Variants in DLGAP1 observed in about 807,000 individuals in gnomAD.
DLGAP1 encodes the protein DLG associated protein 1.
DLGAP1 carries 11 observed loss-of-function variants against 90.8 expected under a neutral mutation model. The ratio of observed to expected loss-of-function variants is 0.12; its 90% confidence interval spans 0.08 to 0.20. The LOEUF is 0.20. Among genes scored for constraint, DLGAP1 ranks in the 10% least tolerant of loss-of-function variants. DLGAP1 has a pLI of 1.00. For missense variants in DLGAP1, 1,050 were observed against 1,333.8 expected (o/e 0.79, Z 3.31); for synonymous variants, 558 against 540.7 (o/e 1.03, Z -0.44).
chr18:3,759,718 T>C (rs1004770221), intron 5 of DLGAP1, among the ~76,000 whole-genome samples: 2 of 152,194 alleles, frequency 1.3e-5, no homozygotes, highest in Non-Finnish European at 2.9e-5. Context: ...GTGTAATTCA[T>C]GTTAAGCTTA....
At chr18:4,419,247 G>A (rs2082974263) in intron 1 of DLGAP1, among the ~76,000 whole-genome samples, 1 of 152,132 alleles carries the variant, frequency 6.6e-6, no homozygotes, top group East Asian at 1.9e-4. Flanking sequence ...AACAGCACGG[G>A]AAAGACCCAC....
intron 1 of DLGAP1, chr18:4,430,496 GTGTGTC>G (rs1009154539): frequency 1.8e-5 from 2 of 113,270 alleles, no homozygotes; most frequent in East Asian, 5.0e-4. Flanking sequence ...AAATAGTCTT[GTGTGTC>G]TGTGTGTGTG....
intron 1 of DLGAP1, among the ~76,000 whole-genome samples, chr18:4,436,217 T>A (rs166829): frequency 0.34 from 51,013 of 151,970 alleles, 9,775 homozygotes; most frequent in Non-Finnish European, 0.42. Context: ...TTTCTTTTTT[T>A]TCTCATGCAA....
chr18:3,939,819 A>G (rs184579946), intron 3 of DLGAP1, among the ~76,000 whole-genome samples: 1 of 152,346 alleles, frequency 6.6e-6, no homozygotes, highest in Non-Finnish European at 1.5e-5. Context: ...GCTCAAACAC[A>G]AAGAAAACAA....
chr18:3,550,889 C>T (rs1254462420), intron 9 of DLGAP1, among the ~76,000 whole-genome samples: 2 of 151,588 alleles, frequency 1.3e-5, no homozygotes, highest in Non-Finnish European at 2.9e-5. Context: ...TTACAGGGGC[C>T]CACCACCACG....
intron 7 of DLGAP1, among the ~76,000 whole-genome samples, chr18:3,670,072 A>G (rs982211576): frequency 9.9e-5 from 15 of 152,170 alleles, no homozygotes; most frequent in African/African-American, 3.4e-4. Flanking sequence ...CATTATAACG[A>G]TAGGAAAAGA....
chr18:3,864,106 G>T (rs2070246145), intron 4 of DLGAP1, among the ~76,000 whole-genome samples: 1 of 152,152 alleles, frequency 6.6e-6, no homozygotes, highest in South Asian at 2.1e-4. Flanking sequence ...AAGTGCTAAA[G>T]AAATCTTGGT....
chr18:4,146,751 T>C (rs2076591469), intron 2 of DLGAP1, among the ~76,000 whole-genome samples: 1 of 151,884 alleles, frequency 6.6e-6, no homozygotes, highest in Non-Finnish European at 1.5e-5. Flanking sequence ...CAAGCATTCA[T>C]ATTATCATCT....
At position 4,232,829 on chromosome 18, in the gene DLGAP1, G is replaced by A. The variant is rs140154609; in HGVS notation, c.-266-81542C>T. Among the ~76,000 whole-genome samples, 567 of 152,190 alleles carry A rather than the reference G, an allele frequency of 3.7e-3. 2 individuals are homozygous for A. Among genetic ancestry groups the A allele is most frequent in the Non-Finnish European group, 6.0e-3 (407 of 68,004 alleles). On this transcript the variant is annotated intron_variant, in intron 1 of 12. Coordinates refer to ENST00000315677, the MANE Select transcript of DLGAP1 (RefSeq NM_004746.4). ...TGGAGCAAGCAACTCAAGAGACCAA[G>A]GTGAAACCGCCAGCACCTTTTGTGA... is the stretch of plus-strand genomic sequence containing the variant.
chr18:4,195,446 A>C lies in DLGAP1; in HGVS notation c.-266-44159T>G, dbSNP rs527986063. On this transcript the variant is annotated intron_variant, in intron 1 of 12. Transcript: ENST00000315677. ...AGTCAGCCCCAATTGTCTTGCTCTA[A>C]AAATGATAAAAGATGCGAAATTTGC... is the stretch of plus-strand genomic sequence containing the variant. Among the ~76,000 whole-genome samples, 5 of 152,340 alleles carry C rather than the reference A, an allele frequency of 3.3e-5. No individual in the cohort carries two copies. In the South Asian group the frequency reaches 1.0e-3, roughly 32 times the overall value.
intron 7 of DLGAP1, among the ~76,000 whole-genome samples, chr18:3,668,262 G>A (rs1374217618): frequency 1.3e-5 from 2 of 152,110 alleles, no homozygotes; most frequent in Non-Finnish European, 2.9e-5. Flanking sequence ...CCAAAACACT[G>A]AACTTAAGAG....
intron 2 of DLGAP1, among the ~76,000 whole-genome samples, chr18:4,146,364 T>G (rs1175833786): frequency 1.3e-5 from 2 of 152,194 alleles, no homozygotes; most frequent in Non-Finnish European, 2.9e-5. Flanking sequence ...TGAATTCAAG[T>G]CTTTCTGAAT....
chr18:4,352,487 G>T (rs1483191450), intron 1 of DLGAP1, among the ~76,000 whole-genome samples: 1 of 151,876 alleles, frequency 6.6e-6, no homozygotes, highest in East Asian at 1.9e-4. Flanking sequence ...TTGTTGTGGG[G>T]GATACAGGTA....
At chr18:4,306,462 T>TGTGTGTGA (rs1253812084) in intron 1 of DLGAP1, among the ~76,000 whole-genome samples, 5 of 52,180 alleles carry the variant, frequency 9.6e-5, no homozygotes, top group African/African-American at 2.1e-4. Flanking sequence ...TGTGTGTGTG[T>TGTGTGTGA]GAGAGAGAGA....
intron 1 of DLGAP1, among the ~76,000 whole-genome samples, chr18:4,190,673 C>G (rs1203878436): frequency 6.6e-6 from 1 of 152,058 alleles, no homozygotes; most frequent in Admixed American, 6.6e-5. Flanking sequence ...TTCTGTAAAT[C>G]TAAAACTTCT....
intron 1 of DLGAP1, among the ~76,000 whole-genome samples, chr18:4,336,888 C>T (rs896059139): frequency 6.8e-6 from 1 of 146,060 alleles, no homozygotes; most frequent in East Asian, 2.0e-4. Flanking sequence ...ATCACGAGGT[C>T]AGGAGATCGA....
intron 1 of DLGAP1, among the ~76,000 whole-genome samples, chr18:4,202,047 T>C (rs1297551529): frequency 6.6e-6 from 1 of 152,028 alleles, no homozygotes; most frequent in African/African-American, 2.4e-5. Context: ...GCATAATTCA[T>C]AATTGCAAAA....
chr18:4,228,803 G>C (rs746123103), intron 1 of DLGAP1, among the ~76,000 whole-genome samples: 4 of 151,798 alleles, frequency 2.6e-5, no homozygotes, highest in Non-Finnish European at 5.9e-5. Flanking sequence ...TACACTTTCA[G>C]CACTTTTATT....
chr18:3,620,681 C>G (rs2058065088), intron 7 of DLGAP1, among the ~76,000 whole-genome samples: 1 of 152,048 alleles, frequency 6.6e-6, no homozygotes, highest in Non-Finnish European at 1.5e-5. Flanking sequence ...CCTCAGCCTC[C>G]CGAGGAGCTG....
Sources: allele counts gnomAD v4.1 joint callset (sites outside exome capture counted in the v4.1 genomes callset), GRCh38; gene constraint gnomAD v4.1.1; transcripts MANE v1.5; gene names NCBI Gene and HGNC (gene_info 2026-07-23, HGNC 2026-07-21).